EXOC6B: variants seen among roughly 807,000 people sequenced by gnomAD.
EXOC6B encodes the protein SEC15 homolog B.
In EXOC6B, 54 loss-of-function variants were observed where a neutral mutation model predicts 113.5. The observed-to-expected ratio is 0.48, with a 90% CI of 0.38 to 0.60. The LOEUF (loss-of-function observed/expected upper bound fraction) is 0.60. EXOC6B is among the 20% of genes least tolerant of loss of function. The pLI, the probability that EXOC6B is intolerant of heterozygous loss-of-function variation, is 0.00. For missense variants in EXOC6B, 797 were observed against 977.5 expected (o/e 0.82, Z 2.46); for synonymous variants, 357 against 339.0 (o/e 1.05, Z -0.58).
rs551083834 is a variant in EXOC6B at position 72,442,021 on chromosome 2, A to C, written c.1980+23139T>G. 8.5e-5 allele frequency among the ~76,000 whole-genome samples: 13 copies of C among 152,344 alleles called. No homozygotes were observed. In the South Asian group the frequency reaches 1.0e-3, roughly 12 times the overall value. The stretch of plus-strand genomic sequence containing the variant: ...ATCCTCAACAAAATACTGCAAATCA[A>C]ATCGAGCAGCGCATCAAAAAGCTTA... On this transcript the variant is annotated intron_variant, in intron 18 of 21. Transcript: ENST00000272427.
chr2:72,417,700 T>C (rs912638098), intron 18 of EXOC6B, among the ~76,000 whole-genome samples: 3 of 152,208 alleles, frequency 2.0e-5, no homozygotes, highest in Non-Finnish European at 4.4e-5. Context: ...AAAATGTATA[T>C]GTTTAGTCTT....
At chr2:72,620,700 A>G (rs1316054968) in intron 6 of EXOC6B, among the ~76,000 whole-genome samples, 2 of 151,962 alleles carry the variant, frequency 1.3e-5, no homozygotes, top group Admixed American at 6.6e-5. Context: ...AAAAGAAACT[A>G]TCAACAAAAT....
intron 6 of EXOC6B, among the ~76,000 whole-genome samples, chr2:72,647,960 C>T (rs186354890): frequency 7.1e-4 from 108 of 152,132 alleles, no homozygotes; most frequent in Admixed American, 1.8e-3. Context: ...AGCTTCTGCA[C>T]GGCAAAAGAA....
At chr2:72,252,516 G>C (rs1182069913) in intron 20 of EXOC6B, among the ~76,000 whole-genome samples, 1 of 152,062 alleles carries the variant, frequency 6.6e-6, no homozygotes, top group South Asian at 2.1e-4. Context: ...CAGAGTAAAA[G>C]CTTCAGTTTT....
chr2:72,653,777 T>C (rs1674386212), intron 6 of EXOC6B, among the ~76,000 whole-genome samples: 1 of 151,966 alleles, frequency 6.6e-6, no homozygotes, highest in East Asian at 1.9e-4. Flanking sequence ...CTTTATCAAA[T>C]ATATTTTTCC....
intron 20 of EXOC6B, among the ~76,000 whole-genome samples, chr2:72,304,589 A>G: frequency 6.6e-6 from 1 of 152,076 alleles, no homozygotes; most frequent in East Asian, 1.9e-4. Flanking sequence ...TTTAAGGGGG[A>G]TACTTTAAAG....
Position 72,209,487 on chromosome 2 carries a change from C to T in EXOC6B, c.2197-25300G>A, listed in dbSNP as rs552474082. 3.5e-4 allele frequency among the ~76,000 whole-genome samples: 53 copies of T among 152,180 alleles called. 2 individuals are homozygous for T. The South Asian group carries it at 0.011, about 31-fold the overall frequency. On this transcript the variant is annotated intron_variant, in intron 20 of 21. Transcript: ENST00000272427. ...CAAGATTGTGCCACTGTACTCCAGC[C>T]TGGGCAACAGATCCAGACCTTGTCT...
intron 6 of EXOC6B, among the ~76,000 whole-genome samples, chr2:72,580,031 A>G (rs1705115812): frequency 6.6e-6 from 1 of 152,030 alleles, no homozygotes; most frequent in South Asian, 2.1e-4. Context: ...TTAAATGAGA[A>G]AATACATGTG....
chr2:72,260,576 C>T (rs1034943833), intron 20 of EXOC6B, among the ~76,000 whole-genome samples: 7 of 152,074 alleles, frequency 4.6e-5, no homozygotes, highest in South Asian at 2.1e-4. Flanking sequence ...GAAAGTGTAA[C>T]GGAAAAGAAT....
chr2:72,495,513 G>C lies in EXOC6B; in HGVS notation c.1470C>G (p.Phe490Leu). 1 of 1,607,372 alleles carries C rather than the reference G, an allele frequency of 6.2e-7. No homozygotes were observed. The highest frequency in any genetic ancestry group is 8.5e-7 in the Non-Finnish European group (1 of 1,176,258). The change falls in exon 15 of 22, where the codon TTC becomes TTG. Residue 490 changes from phenylalanine (F) to leucine (L), a missense_variant. Coordinates refer to ENST00000272427, the MANE Select transcript of EXOC6B (RefSeq NM_015189.3). ...EKQPFPKKFP[F>L]SEFVPKVYNQ... is the part of the protein sequence containing the mutation. ...TGTAAACTTTTGGCACAAATTCAGA[G>C]AAAGGAAACTTTTTTGGAAATGGTT...
At chr2:72,228,504 G>A (rs1205347430) in intron 20 of EXOC6B, among the ~76,000 whole-genome samples, 2 of 150,616 alleles carry the variant, frequency 1.3e-5, no homozygotes, top group East Asian at 2.0e-4. Flanking sequence ...ACCTATGAGT[G>A]AGAACATGCG....
chr2:72,598,462 A>T (rs895446648), intron 6 of EXOC6B, among the ~76,000 whole-genome samples: 4 of 152,076 alleles, frequency 2.6e-5, no homozygotes, highest in African/African-American at 9.6e-5. Context: ...CCAGTAAAGA[A>T]GAAAGATCTA....
rs374867027 is a variant in EXOC6B, at chr2:72,816,577, C to T, written c.113+9221G>A. Among the ~76,000 whole-genome samples the T allele has an allele frequency of 2.0e-5, 3 of 152,132 alleles. No individual in the cohort carries two copies. In the East Asian group the frequency reaches 5.8e-4, roughly 29 times the overall value. On this transcript the variant is annotated intron_variant, in intron 1 of 21. Transcript: ENST00000272427. The stretch of plus-strand genomic sequence containing the variant: ...GTTTGTTAGATCTATGATTCATATC[C>T]TTTTCTTTCCACTTTTTAAATAAAA...
chr2:72,601,476 C>T (rs933441302), intron 6 of EXOC6B, among the ~76,000 whole-genome samples: 6 of 152,090 alleles, frequency 3.9e-5, no homozygotes, highest in Admixed American at 1.3e-4. Context: ...TGAGCCACCG[C>T]GCCCAGCCTG....
At position 72,651,019 on chromosome 2, in the gene EXOC6B, A is replaced by G. The variant is rs769070285; in HGVS notation, c.669+67084T>C. Among the ~76,000 whole-genome samples, 30 of 152,180 alleles carry G rather than the reference A, an allele frequency of 2.0e-4. 1 individual carries two copies. The highest frequency in any genetic ancestry group is 4.3e-4 in the Non-Finnish European group (29 of 68,028). On this transcript the variant is annotated intron_variant, in intron 6 of 21. Coordinates refer to ENST00000272427, the MANE Select transcript of EXOC6B (RefSeq NM_015189.3). ...GATATCTTGAACCCTAAGTTTACCA[A>G]GAGACTAGTATCACCCAAGTATTCA...
chr2:72,783,308 T>TTTTTC (rs1684168604), intron 1 of EXOC6B, among the ~76,000 whole-genome samples: 2 of 144,334 alleles, frequency 1.4e-5, no homozygotes, highest in African/African-American at 5.1e-5. Context: ...TGGTCACTTC[T>TTTTTC]TTTTCTTTTC....
intron 1 of EXOC6B, among the ~76,000 whole-genome samples, chr2:72,757,737 ACTC>A (rs750952831): frequency 2.0e-5 from 3 of 151,258 alleles, no homozygotes; most frequent in Non-Finnish European, 4.4e-5. Context: ...TGAAATGAAA[ACTC>A]CTTCTCAGGA....
At chr2:72,397,626 A>ATAAATAAAT (rs1692816099) in intron 18 of EXOC6B, among the ~76,000 whole-genome samples, 6 of 131,640 alleles carry the variant, frequency 4.6e-5, no homozygotes, top group African/African-American at 1.5e-4. Flanking sequence ...TCAAAAAAAA[A>ATAAATAAAT]AAATAAAATA....
At chr2:72,587,363 T>C (rs756655126) in intron 6 of EXOC6B, among the ~76,000 whole-genome samples, 3 of 151,914 alleles carry the variant, frequency 2.0e-5, no homozygotes, top group Non-Finnish European at 4.4e-5. Context: ...GAACTAAGCA[T>C]TGGGTAATCA....
Sources: allele counts gnomAD v4.1 joint callset (sites outside exome capture counted in the v4.1 genomes callset), GRCh38; gene constraint gnomAD v4.1.1; transcripts MANE v1.5; gene names NCBI Gene and HGNC (gene_info 2026-07-23, HGNC 2026-07-21).